The following PLEC variants were observed in gnomAD, a reference collection of about 807,000 sequenced individuals.
The protein encoded by PLEC is hemidesmosomal protein 1.
In PLEC, 216 loss-of-function variants were observed where a neutral mutation model predicts 392.8. The ratio of observed to expected loss-of-function variants is 0.55; its 90% CI spans 0.49 to 0.62. PLEC has a LOEUF of 0.62. PLEC is among the 20% of genes least tolerant of loss of function. The probability of loss-of-function intolerance (pLI) is 0.00; values close to 1 mark genes in which losing one functional copy is unlikely to be tolerated. For missense variants in PLEC, 6,863 were observed against 6,563.4 expected (o/e 1.05, Z -1.58); for synonymous variants, 3,621 against 2,980.6 (o/e 1.21, Z -7.00).
At chr8:143,942,454 C>A, upstream of PLEC, 1 of 1,602,152 alleles carries the variant, frequency 6.2e-7, no homozygotes, top group Non-Finnish European at 8.5e-7. Context: ...CCCGTCCAGC[C>A]AGCACGGCCG....
At chr8:143,951,871 C>G (rs373379342), upstream of PLEC, among the ~76,000 whole-genome samples, 28 of 152,194 alleles carry the variant, frequency 1.8e-4, no homozygotes, top group African/African-American at 4.8e-4. Context: ...ATCCACCCCC[C>G]CCTCCCCGCC....
upstream of PLEC, among the ~76,000 whole-genome samples, chr8:143,941,069 T>C (rs1554728370): frequency 6.6e-6 from 1 of 152,154 alleles, no homozygotes; most frequent in African/African-American, 2.4e-5. Context: ...ACCCCACACC[T>C]CTGCCGCCCC....
intron 1 of PLEC, among the ~76,000 whole-genome samples, chr8:143,964,811 C>T (rs1040486891): frequency 1.3e-5 from 2 of 152,106 alleles, no homozygotes; most frequent in African/African-American, 4.8e-5. Flanking sequence ...GGTAGCCACT[C>T]GTTTAGCAAG....
upstream of PLEC, among the ~76,000 whole-genome samples, chr8:143,976,407 C>G (rs1294636893): frequency 6.6e-6 from 1 of 152,130 alleles, no homozygotes; most frequent in Non-Finnish European, 1.5e-5. Context: ...AGGGGGCCGC[C>G]GCGCCCCGCC....
rs782413809 is a variant in PLEC at position 143,918,258 on chromosome 8, G to A, written c.11563C>T (p.Leu3855Phe). 1.9e-6 allele frequency: 3 copies of A among 1,591,856 alleles called. No homozygotes were observed. The highest frequency in any genetic ancestry group is 2.6e-6 in the Non-Finnish European group (3 of 1,176,366). ...SYVDPSTDER[L>F]SYTQLLRRCR... ...CGCCTGAGCAGCTGCGTGTAGCTGA[G>A]GCGCTCGTCGGTGGACGGGTCCACG... The change falls in exon 32 of 32, where the codon CTC becomes TTC. Residue 3855 changes from leucine to phenylalanine, a missense_variant. Transcript: ENST00000345136.
chr8:143,942,514 A>G, upstream of PLEC: 4 of 1,572,786 alleles, frequency 2.5e-6, no homozygotes, highest in Non-Finnish European at 3.4e-6. Flanking sequence ...CGCCCCCGAC[A>G]TGCCGGCCAC....
intron 1 of PLEC, among the ~76,000 whole-genome samples, chr8:143,968,852 A>G (rs925717292): frequency 1.5e-4 from 23 of 152,214 alleles, no homozygotes; most frequent in African/African-American, 5.3e-4. Context: ...TCAGATAATA[A>G]CAAGTGTTGG....
Position 143,920,248 on chromosome 8 carries a change from G to C in PLEC, c.9573C>G (p.Thr3191=). 1 of 1,600,084 alleles carries C rather than the reference G, an allele frequency of 6.2e-7. No homozygotes were observed. The highest frequency in any genetic ancestry group is 8.5e-7 in the Non-Finnish European group (1 of 1,178,140). Residue 3191 remains threonine, a synonymous_variant, in exon 32 of 32, where the codon ACC becomes ACG. Coordinates refer to ENST00000345136, the MANE Select transcript of PLEC (RefSeq NM_201384.3). ...YSDPSTGEPA[T]YGELQQRCRP... ...GGCACCGCTGCTGGAGCTCGCCGTA[G>C]GTGGCCGGCTCCCCTGTGCTGGGGT... is the stretch of plus-strand genomic sequence containing the variant.
upstream of PLEC, among the ~76,000 whole-genome samples, chr8:143,957,108 C>T (rs1832636625): frequency 6.6e-6 from 1 of 152,136 alleles, no homozygotes; most frequent in Non-Finnish European, 1.5e-5. Flanking sequence ...GGGATTTCAA[C>T]AGGACAGGCA....
At position 143,918,826 on chromosome 8, in the gene PLEC, C is replaced by G; in HGVS notation, c.10995G>C (p.Leu3665=). 6.2e-7 allele frequency: 1 copy of G among 1,613,208 alleles called. No homozygotes were observed. Residue 3665 remains leucine, a synonymous_variant, in exon 32 of 32, where the codon CTG becomes CTC. Transcript: ENST00000345136. The part of the protein sequence containing the change: ...ARIISLETYN[L]LREGTRSLRE... ...GGAGGCTCCTGGTGCCCTCCCGGAG[C>G]AGGTTGTAGGTCTCGAGAGAGATGA...
upstream of PLEC, among the ~76,000 whole-genome samples, chr8:143,975,988 T>G (rs1046314388): frequency 6.6e-6 from 1 of 152,138 alleles, no homozygotes; most frequent in Admixed American, 6.5e-5. This position sits in a 1 kb window ranked among gnomAD's most constrained non-coding sequence, Gnocchi z 9.9. Context: ...GCCCTTCCCC[T>G]GGACACCGGC....
chr8:143,930,103 C>A (rs897894120), intron 21 of PLEC, 41 bp from the exon 22 acceptor site: 3 of 1,601,164 alleles, frequency 1.9e-6, no homozygotes, highest in Non-Finnish European at 2.5e-6. Flanking sequence ...CAGCGCCCCA[C>A]CCGCCTTCCA....
chr8:143,967,451 G>A (rs924047246), intron 1 of PLEC, among the ~76,000 whole-genome samples: 1 of 151,562 alleles, frequency 6.6e-6, no homozygotes, highest in Non-Finnish European at 1.5e-5. Flanking sequence ...GGTGTGCCCA[G>A]TGGGGACTCA....
In PLEC at chr8:143,917,038, G is replaced by A. The variant is rs377524932; in HGVS notation, c.12783C>T (p.Ala4261=). The stretch of plus-strand genomic sequence containing the variant: ...AGGAGGCCAGCTGGGTCCTGGAGAC[G>A]GCGGGGCTGATGGGGTAGGAGGAGG... ...GSSSSYPISP[A]VSRTQLASWS... Residue 4261 remains alanine (A), a synonymous_variant, in exon 32 of 32, where the codon GCC becomes GCT. Transcript: ENST00000345136. 154 of 1,610,654 alleles carry A rather than the reference G, an allele frequency of 9.6e-5. No individual in the cohort carries two copies. The highest frequency in any genetic ancestry group is 1.2e-4 in the Non-Finnish European group (137 of 1,178,200).
intron 1 of PLEC, among the ~76,000 whole-genome samples, chr8:143,960,021 G>A (rs559560813): frequency 3.9e-5 from 6 of 152,010 alleles, no homozygotes; most frequent in African/African-American, 1.2e-4. Context: ...GGTGGCTCAC[G>A]CCTGTAATCC....
At chr8:143,940,638 C>G (rs187682840), upstream of PLEC, among the ~76,000 whole-genome samples, 3 of 152,218 alleles carry the variant, frequency 2.0e-5, no homozygotes, top group Non-Finnish European at 4.4e-5. Context: ...GCTGCCCCAA[C>G]CACAAGAATG....
chr8:143,947,306 A>T (rs1554732852), intron 1 of PLEC, among the ~76,000 whole-genome samples: 2 of 152,228 alleles, frequency 1.3e-5, no homozygotes, highest in African/African-American at 4.8e-5. Context: ...TGTGGGAAGC[A>T]GCTCTAGGTG....
At chr8:143,975,362 C>T, upstream of PLEC, 1 of 1,608,314 alleles carries the variant, frequency 6.2e-7, no homozygotes, top group South Asian at 1.1e-5. The surrounding 1 kb of genome is among the most constrained non-coding windows in gnomAD (Gnocchi z 9.9). Flanking sequence ...AGCGTCCTCA[C>T]CCGACATGGC....
intron 19 of PLEC, among the ~76,000 whole-genome samples, chr8:143,931,159 G>A (rs963286422): frequency 2.0e-5 from 3 of 152,190 alleles, no homozygotes; most frequent in South Asian, 2.1e-4. Context: ...CCCTTCTACA[G>A]CACAAGGGCT....
Sources: gnomAD v4.1 joint callset for allele counts (sites outside exome capture counted in the v4.1 genomes callset) on GRCh38, gnomAD v4.1.1 for gene constraint, Gnocchi (gnomAD v3.1) non-coding constraint, MANE v1.5 for transcripts, NCBI Gene and HGNC (gene_info 2026-07-23, HGNC 2026-07-21) for gene names.